The following RALYL variants were observed in gnomAD, a reference collection of about 807,000 sequenced individuals.
RALYL encodes RNA-binding Raly-like protein.
A neutral mutation model predicts 35.1 loss-of-function variants in RALYL; 29 were observed. That is an observed-to-expected ratio of 0.83 (90% CI 0.61 to 1.13). RALYL has a LOEUF of 1.13. Ranked by LOEUF, RALYL falls within the 50% of genes most tolerant of loss-of-function variation. The pLI is 0.00. For synonymous variants in RALYL, 120 were observed against 127.6 expected, an observed-to-expected ratio of 0.94 and a Z score of 0.40; for missense variants, 359 against 360.4, an observed-to-expected ratio of 1.00 and a Z score of 0.03.
At chr8:84,732,683 TAC>T (rs1554553642) in intron 2 of RALYL, among the ~76,000 whole-genome samples, 10 of 133,236 alleles carry the variant, frequency 7.5e-5, no homozygotes, top group African/African-American at 1.8e-4. Context: ...TATATATATA[TAC>T]ACACACACAC....
chr8:84,304,096 A>T (rs1563698571), intron 1 of RALYL, among the ~76,000 whole-genome samples: 1 of 151,904 alleles, frequency 6.6e-6, no homozygotes, highest in African/African-American at 2.4e-5. Flanking sequence ...ATATTTCATT[A>T]TTTTTTAAAG....
At chr8:84,876,205 G>A (rs1289767096) in intron 7 of RALYL, among the ~76,000 whole-genome samples, 1 of 152,082 alleles carries the variant, frequency 6.6e-6, no homozygotes, top group Non-Finnish European at 1.5e-5. Context: ...ATTATGTACT[G>A]GGCACAACTT....
At chr8:84,577,615 T>A (rs938870533) in intron 2 of RALYL, among the ~76,000 whole-genome samples, 16 of 152,334 alleles carry the variant, frequency 1.1e-4, no homozygotes, top group African/African-American at 2.2e-4. Context: ...CCCTTTTTTT[T>A]AAACAGTTTT....
intron 3 of RALYL, among the ~76,000 whole-genome samples, chr8:84,801,847 T>C (rs1823356798): frequency 6.6e-6 from 1 of 152,142 alleles, no homozygotes; most frequent in African/African-American, 2.4e-5. Flanking sequence ...AGAAAGGTGG[T>C]AACACAAAAA....
intron 1 of RALYL, among the ~76,000 whole-genome samples, chr8:84,311,159 A>G (rs1387371423): frequency 6.7e-6 from 1 of 150,286 alleles, no homozygotes; most frequent in Non-Finnish European, 1.5e-5. Flanking sequence ...AATCAACTGT[A>G]AAAAGAATGT....
chr8:84,778,910 C>T (rs2133672766), intron 3 of RALYL, among the ~76,000 whole-genome samples: 1 of 152,176 alleles, frequency 6.6e-6, no homozygotes, highest in East Asian at 1.9e-4. Flanking sequence ...ATGGCAGGCT[C>T]AGGTGTAAGA....
chr8:84,730,869 G>A (rs1014358407), intron 2 of RALYL, among the ~76,000 whole-genome samples: 2 of 151,998 alleles, frequency 1.3e-5, no homozygotes, highest in African/African-American at 4.8e-5. Context: ...ATGGGAATGA[G>A]AATGTAAAGA....
intron 2 of RALYL, among the ~76,000 whole-genome samples, chr8:84,584,359 C>T (rs1248344985): frequency 1.3e-5 from 2 of 152,118 alleles, no homozygotes; most frequent in African/African-American, 2.4e-5. Context: ...AATCCCAGCA[C>T]TTTGGCAGGC....
chr8:84,654,839 C>T (rs548661975), intron 2 of RALYL, among the ~76,000 whole-genome samples: 1 of 152,220 alleles, frequency 6.6e-6, no homozygotes, highest in East Asian at 1.9e-4. Flanking sequence ...TGTTTATGGG[C>T]TCTTCAGCTG....
intron 1 of RALYL, among the ~76,000 whole-genome samples, chr8:84,273,394 C>T (rs967601828): frequency 1.3e-5 from 2 of 152,234 alleles, no homozygotes; most frequent in East Asian, 1.9e-4. Flanking sequence ...TGGTTTCCCT[C>T]AGAGCAAGTA....
At chr8:84,468,837 T>A (rs2052193540) in intron 1 of RALYL, among the ~76,000 whole-genome samples, 1 of 152,178 alleles carries the variant, frequency 6.6e-6, no homozygotes, top group Non-Finnish European at 1.5e-5. Flanking sequence ...GAGGCTTTGC[T>A]CATTTCTTTT....
intron 1 of RALYL, among the ~76,000 whole-genome samples, chr8:84,440,871 T>C (rs908678562): frequency 6.6e-6 from 1 of 151,984 alleles, no homozygotes; most frequent in African/African-American, 2.4e-5. Flanking sequence ...TCATTTAACT[T>C]GATTTAATCT....
At chr8:84,825,230 A>T (rs557240408) in intron 4 of RALYL, among the ~76,000 whole-genome samples, 1 of 152,328 alleles carries the variant, frequency 6.6e-6, no homozygotes, top group Non-Finnish European at 1.5e-5. Flanking sequence ...GGCTGCCAAC[A>T]AACATATGAG....
intron 1 of RALYL, among the ~76,000 whole-genome samples, chr8:84,486,320 A>T (rs1292475241): frequency 6.0e-5 from 9 of 151,112 alleles, no homozygotes; most frequent in African/African-American, 2.4e-5. Flanking sequence ...TAGAAAAGCA[A>T]ATAGTTAAAA....
At chr8:84,769,051 A>G (rs1356928461) in intron 2 of RALYL, among the ~76,000 whole-genome samples, 1 of 152,238 alleles carries the variant, frequency 6.6e-6, no homozygotes, top group Non-Finnish European at 1.5e-5. Context: ...TGATGAGAAT[A>G]ATTTTACATG....
chr8:84,595,356 T>C (rs899074904), intron 2 of RALYL, among the ~76,000 whole-genome samples: 4 of 152,168 alleles, frequency 2.6e-5, no homozygotes, highest in Non-Finnish European at 5.9e-5. Flanking sequence ...CTACAGTTAA[T>C]TGGGCACAGA....
intron 8 of RALYL, among the ~76,000 whole-genome samples, chr8:84,901,167 T>C (rs1274508958): frequency 1.3e-5 from 2 of 152,180 alleles, no homozygotes; most frequent in Non-Finnish European, 2.9e-5. Flanking sequence ...GGAAGATTTA[T>C]ATCTCCAAGG....
chr8:84,260,407 C>A (rs530581536), intron 1 of RALYL, among the ~76,000 whole-genome samples: 1 of 152,152 alleles, frequency 6.6e-6, no homozygotes, highest in African/African-American at 2.4e-5. Context: ...AGCTGGTGGT[C>A]GGGCTGTGGT....
At chr8:84,675,538 G>A (rs1213691011) in intron 2 of RALYL, among the ~76,000 whole-genome samples, 1 of 152,090 alleles carries the variant, frequency 6.6e-6, no homozygotes. Flanking sequence ...ATTATAAAAT[G>A]AAATTTTAGG....
Sources: allele counts gnomAD v4.1 joint callset (sites outside exome capture counted in the v4.1 genomes callset), GRCh38; gene constraint gnomAD v4.1.1; transcripts MANE v1.5; gene names NCBI Gene and HGNC (gene_info 2026-07-23, HGNC 2026-07-21).